Variants in FOCAD observed in about 807,000 individuals in gnomAD.
FOCAD encodes the protein focadhesin, also known as KIAA1797.
Under a neutral mutation model 225.6 loss-of-function variants are expected in FOCAD, and 198 were observed. The observed-to-expected ratio is 0.88, with a 90% CI of 0.78 to 0.99. FOCAD has a LOEUF of 0.99. Ranked by LOEUF, FOCAD falls within the 50% of genes least tolerant of loss-of-function variation. The pLI, the probability that FOCAD is intolerant of heterozygous loss-of-function variation, is 0.00. For missense variants in FOCAD, 2,713 were observed against 2,123.6 expected (o/e 1.28, Z -5.46); for synonymous variants, 897 against 755.0 (o/e 1.19, Z -3.08).
chr9:20,982,393 T>G lies in FOCAD; in HGVS notation c.4675T>G (p.Cys1559Gly). The stretch of plus-strand genomic sequence containing the variant: ...AGAGCTGTATATCAGCATAGCAAAA[T>G]GCCTCTTAGAAATGACAGATGATGA... ...DLELYISIAK[C>G]LLEMTDDDAN... The change falls in exon 39 of 44, where the codon TGC becomes GGC. Residue 1559 changes from cysteine to glycine, a missense_variant. By Grantham distance (159) the Cys-to-Gly change is radical. Coordinates refer to ENST00000338382, the MANE Select transcript of FOCAD (RefSeq NM_001375567.1). The G allele has an allele frequency of 3.1e-6, 5 of 1,613,962 alleles. No homozygotes were observed. Among genetic ancestry groups the G allele is most frequent in the Non-Finnish European group, 4.2e-6 (5 of 1,179,894 alleles).
chr9:20,973,240 C>T (rs1030949706), intron 35 of FOCAD, among the ~76,000 whole-genome samples: 2 of 151,014 alleles, frequency 1.3e-5, no homozygotes, highest in African/African-American at 4.9e-5. Flanking sequence ...GCTGATGTGG[C>T]CTCTGCTTCT....
intron 15 of FOCAD, among the ~76,000 whole-genome samples, chr9:20,856,066 C>A (rs1034581476): frequency 2.0e-5 from 3 of 151,792 alleles, no homozygotes; most frequent in African/African-American, 7.2e-5. Flanking sequence ...ATGCAGATAT[C>A]TCTTTGATGT....
chr9:20,862,866 C>T (rs1456778753), intron 16 of FOCAD, 154 bp downstream of exon 16: 3 of 622,716 alleles, frequency 4.8e-6, no homozygotes, highest in Non-Finnish European at 7.4e-6. Flanking sequence ...AGTAAGATAG[C>T]TCCTCATCAA....
chr9:20,789,301 C>A (rs777593088), intron 10 of FOCAD, 50 bp from the exon 11 acceptor site: 1 of 1,572,418 alleles, frequency 6.4e-7, no homozygotes, highest in Admixed American at 1.7e-5. Context: ...ATATTTCTGA[C>A]AAATATATTT....
At chr9:20,888,576 T>C (rs1332488421) in intron 21 of FOCAD, among the ~76,000 whole-genome samples, 1 of 152,248 alleles carries the variant, frequency 6.6e-6, no homozygotes. Context: ...TCCTGTGTTT[T>C]ATTTTTATTC....
At position 20,717,816 on chromosome 9, in the gene FOCAD, C is replaced by G; in HGVS notation, c.80C>G (p.Ala27Gly). The G allele has an allele frequency of 6.2e-7, 1 of 1,612,266 alleles. No individual in the cohort carries two copies. Among genetic ancestry groups the G allele is most frequent in the Non-Finnish European group, 8.5e-7 (1 of 1,179,240 alleles). Residue 27 changes from alanine (A) to glycine (G), a missense_variant, in exon 3 of 44, where the codon GCA (alanine) becomes GGA (glycine). By Grantham distance (60) the Ala-to-Gly change is moderately conservative. Transcript: ENST00000338382. ...AAGGCTGTGGGTCATCTTATTGCTGCAGTCCTAAAGGAAAATGGTTTTTCA... is the reference window on the plus strand; with the variant it reads ...AAGGCTGTGGGTCATCTTATTGCTGGAGTCCTAAAGGAAAATGGTTTTTCA... ...QSQAVGHLIA[A>G]VLKENGFSEK...
At position 20,868,027 on chromosome 9, in the gene FOCAD, T is replaced by G. The variant is rs17759484; in HGVS notation, c.2190+1015T>G. ...AGGATTTCCTGTGTCATTGAGGACTTACAAAGATAGATTGACCGCTTGTCA... is the reference window on the plus strand; with the variant it reads ...AGGATTTCCTGTGTCATTGAGGACTGACAAAGATAGATTGACCGCTTGTCA... On this transcript the variant is annotated intron_variant, in intron 18 of 43. Coordinates refer to ENST00000338382, the MANE Select transcript of FOCAD (RefSeq NM_001375567.1). Among the ~76,000 whole-genome samples, 349 of 152,196 alleles carry G rather than the reference T, an allele frequency of 2.3e-3. 9 individuals carry two copies. In the East Asian group the frequency reaches 0.044, roughly 19 times the overall value.
At chr9:20,719,596 G>A (rs1825614568) in intron 3 of FOCAD, among the ~76,000 whole-genome samples, 1 of 151,774 alleles carries the variant, frequency 6.6e-6, no homozygotes, top group Admixed American at 6.6e-5. Context: ...GAACCATTTT[G>A]GTGGTCCTGG....
intron 6 of FOCAD, among the ~76,000 whole-genome samples, chr9:20,760,025 T>G (rs1202197375): frequency 1.3e-5 from 2 of 152,226 alleles, no homozygotes; most frequent in African/African-American, 4.8e-5. Flanking sequence ...CTTACTACCA[T>G]GACGCTGGTT....
chr9:20,782,461 G>T (rs1402486724), intron 10 of FOCAD, among the ~76,000 whole-genome samples: 1 of 152,076 alleles, frequency 6.6e-6, no homozygotes, highest in Non-Finnish European at 1.5e-5. Flanking sequence ...GAAGACAACA[G>T]GCCTGCCACA....
At chr9:20,799,535 A>G (rs1410815489) in intron 11 of FOCAD, among the ~76,000 whole-genome samples, 4 of 152,122 alleles carry the variant, frequency 2.6e-5, no homozygotes, top group Non-Finnish European at 5.9e-5. Flanking sequence ...GCGCTCCTGT[A>G]TTGGGTGCAT....
At chr9:20,824,848 G>A (rs372473004) in intron 15 of FOCAD, among the ~76,000 whole-genome samples, 19 of 151,930 alleles carry the variant, frequency 1.3e-4, no homozygotes, top group African/African-American at 2.9e-4. Flanking sequence ...CTTGTTTTTC[G>A]TCTGTTCATT....
upstream of FOCAD, chr9:20,683,614 C>G (rs1822476356): frequency 6.6e-6 from 1 of 152,108 alleles, no homozygotes; most frequent in Non-Finnish European, 1.5e-5. Context: ...AGAATAATTA[C>G]TCGCGCCAAT....
At chr9:20,900,414 T>C (rs1050540967) in intron 21 of FOCAD, among the ~76,000 whole-genome samples, 5 of 151,992 alleles carry the variant, frequency 3.3e-5, no homozygotes, top group Non-Finnish European at 7.4e-5. Flanking sequence ...CTTCTTTTTT[T>C]CAAGTGATAA....
chr9:20,783,942 A>C (rs141709352), intron 10 of FOCAD, among the ~76,000 whole-genome samples: 1 of 152,272 alleles, frequency 6.6e-6, no homozygotes, highest in East Asian at 1.9e-4. Context: ...TTTAGTTATA[A>C]AACCTTATAA....
upstream of FOCAD, among the ~76,000 whole-genome samples, chr9:20,682,335 G>A (rs1391760136): frequency 6.6e-6 from 1 of 152,230 alleles, no homozygotes; most frequent in Non-Finnish European, 1.5e-5. Flanking sequence ...CCTAAAACCA[G>A]GCTTTCTACA....
intron 6 of FOCAD, among the ~76,000 whole-genome samples, chr9:20,761,362 C>G (rs911339748): frequency 2.6e-5 from 4 of 152,068 alleles, no homozygotes; most frequent in African/African-American, 9.7e-5. Flanking sequence ...CATTAAACGA[C>G]TTACTGAAGG....
At chr9:20,709,974 A>G (rs1191932105) in intron 1 of FOCAD, among the ~76,000 whole-genome samples, 3 of 152,134 alleles carry the variant, frequency 2.0e-5, no homozygotes, top group African/African-American at 4.8e-5. Context: ...CTTCACTTCT[A>G]TAATAAGCTA....
chr9:20,698,475 A>G (rs1030233445), intron 1 of FOCAD, among the ~76,000 whole-genome samples: 1 of 152,020 alleles, frequency 6.6e-6, no homozygotes, highest in African/African-American at 2.4e-5. Flanking sequence ...TCTTTGGCTC[A>G]CTGCAGTCTC....
Sources: allele counts gnomAD v4.1 joint callset (sites outside exome capture counted in the v4.1 genomes callset), GRCh38; gene constraint gnomAD v4.1.1; transcripts MANE v1.5; gene names NCBI Gene and HGNC (gene_info 2026-07-23, HGNC 2026-07-21).